The following CPNE2 variants were observed in gnomAD, a reference collection of about 807,000 sequenced individuals.
CPNE2 encodes copine-2.
In CPNE2, 42 loss-of-function variants were observed where a neutral mutation model predicts 69.7. The observed-to-expected ratio is 0.60, with a 90% CI of 0.47 to 0.78. The LOEUF is 0.78. Ranked by LOEUF, CPNE2 falls within the 30% of genes least tolerant of loss-of-function variation. CPNE2 has a pLI of 0.00. For missense variants in CPNE2, 587 were observed against 732.0 expected, an observed-to-expected ratio of 0.80 and a Z score of 2.29; for synonymous variants, 294 against 289.8, an observed-to-expected ratio of 1.01 and a Z score of -0.15.
At chr16:57,096,573 C>T (rs78349324) in intron 1 of CPNE2, among the ~76,000 whole-genome samples, 2,829 of 151,938 alleles carry the variant, frequency 0.019, 95 homozygotes, top group African/African-American at 0.066. Flanking sequence ...GTGGTGCATG[C>T]CTGTAGTCCC....
At chr16:57,097,408 G>A (rs1400664466) in intron 1 of CPNE2, among the ~76,000 whole-genome samples, 2 of 152,144 alleles carry the variant, frequency 1.3e-5, no homozygotes, top group African/African-American at 4.8e-5. Context: ...ATGGCTGCAT[G>A]GTGAGGGAAG....
intron 14 of CPNE2, among the ~76,000 whole-genome samples, chr16:57,140,474 A>G (rs1335911320): frequency 6.7e-6 from 1 of 150,222 alleles, no homozygotes; most frequent in African/African-American, 2.5e-5. Flanking sequence ...ACCCACACCC[A>G]TTTCCTCTTA....
In CPNE2 at chr16:57,130,365, A is replaced by C. The variant is rs1363323888; in HGVS notation, c.1116+2462A>C. 6.6e-6 allele frequency among the ~76,000 whole-genome samples: 1 copy of C among 151,924 alleles called. No individual in the cohort carries two copies. The highest frequency in any genetic ancestry group is 1.5e-5 in the Non-Finnish European group (1 of 67,982). The stretch of plus-strand genomic sequence containing the variant: ...ACAGAGTGAGACTCTGTCTCTAAAA[A>C]ATTAATTAATTAATTAATTAAAATA... On this transcript the variant is annotated intron_variant, in intron 12 of 15. Transcript: ENST00000290776. This position sits in a 1 kb window ranked among gnomAD's most constrained non-coding sequence, Gnocchi z 4.1.
chr16:57,105,374 A>G (rs2069641697), intron 1 of CPNE2, among the ~76,000 whole-genome samples: 1 of 151,944 alleles, frequency 6.6e-6, no homozygotes, highest in African/African-American at 2.4e-5. Flanking sequence ...CCTAAGGGCA[A>G]GATGCCTCCT....
At chr16:57,117,421 T>G in intron 4 of CPNE2, 75 bp from the exon 5 acceptor site, 1 of 1,477,606 alleles carries the variant, frequency 6.8e-7, no homozygotes, top group Non-Finnish European at 9.3e-7. Flanking sequence ...GGATTGCTCC[T>G]GGGGCACCCT....
Position 57,104,218 on chromosome 16 carries a change from G to A in CPNE2, c.-35-6490G>A, listed in dbSNP as rs182404671. ...CAGGTGTGAGCCACCACGCCCGGCCGGAAGGCACTCTTGTTCCCATTTTAC... is the reference window on the plus strand; with the variant it reads ...CAGGTGTGAGCCACCACGCCCGGCCAGAAGGCACTCTTGTTCCCATTTTAC... On this transcript the variant is annotated intron_variant, in intron 1 of 15. Transcript: ENST00000290776. Among the ~76,000 whole-genome samples the A allele has an allele frequency of 3.1e-4, 47 of 152,272 alleles. No homozygotes were observed. The East Asian group carries it at 7.7e-3, about 25-fold the overall frequency.
At position 57,101,419 on chromosome 16, in the gene CPNE2, G is replaced by A. The variant is rs139761213; in HGVS notation, c.-36+8629G>A. Among the ~76,000 whole-genome samples, 14 of 152,310 alleles carry A rather than the reference G, an allele frequency of 9.2e-5. 1 individual carries two copies. The East Asian group carries it at 2.7e-3, about 29-fold the overall frequency. On this transcript the variant is annotated intron_variant, in intron 1 of 15. Transcript: ENST00000290776. ...ACCCCCCAAAAGTTCAGTAAACTTA[G>A]CAGCCATCAGGGCCCGTAGGGAATG... is the stretch of plus-strand genomic sequence containing the variant.
Position 57,130,765 on chromosome 16 carries a change from G to A in CPNE2, c.1116+2862G>A, listed in dbSNP as rs750630018. Among the ~76,000 whole-genome samples, 8 of 151,996 alleles carry A rather than the reference G, an allele frequency of 5.3e-5. No homozygotes were observed. The highest frequency in any genetic ancestry group is 1.0e-4 in the Non-Finnish European group (7 of 68,016). Reference sequence around the variant, plus strand: ...TGGCAGAGACAAGATGGGGAGGGGAGAAGGGCATGGAGACATCAGCCAGTG... The same window carrying A: ...TGGCAGAGACAAGATGGGGAGGGGAAAAGGGCATGGAGACATCAGCCAGTG... On this transcript the variant is annotated intron_variant, in intron 12 of 15. Transcript: ENST00000290776. The surrounding 1 kb of genome is among the most constrained non-coding windows in gnomAD (Gnocchi z 4.1).
Position 57,148,176 on chromosome 16 carries a change from TAAGA to T in CPNE2, c.*522_*525del, listed in dbSNP as rs2069974078. On this transcript the variant is annotated 3_prime_UTR_variant, in exon 16 of 16. Coordinates refer to ENST00000290776, the MANE Select transcript of CPNE2 (RefSeq NM_152727.6). ...CAGGGACCTGACGGGCTCACTGATC[TAAGA>T]AAGGAAATGGAAAATGAAAATCCAC... 1 of 152,150 alleles carries T rather than the reference TAAGA, an allele frequency of 6.6e-6. No homozygotes were observed. The highest frequency in any genetic ancestry group is 1.5e-5 in the Non-Finnish European group (1 of 68,080). The allele number at this position is 152,150 out of a possible 1,614,324, so 9.4% of individuals were successfully genotyped here. A position where few individuals can be genotyped will look rare whatever the true frequency, so the allele number is the denominator to read the frequency against.
chr16:57,113,509 C>T (rs762079742), intron 3 of CPNE2, 42 bp downstream of exon 3: 14 of 1,582,420 alleles, frequency 8.8e-6, no homozygotes, highest in East Asian at 2.3e-5. Context: ...GCCCAAAGAC[C>T]GGGCAACCCC....
At chr16:57,121,054 G>A (rs2069757740) in intron 7 of CPNE2, 39 bp from the exon 8 acceptor site, 2 of 1,528,426 alleles carry the variant, frequency 1.3e-6, no homozygotes, top group Non-Finnish European at 1.8e-6. Context: ...GCACCTCTTG[G>A]GGGACAGCTC....
chr16:57,120,297 G>A (rs4783975), intron 7 of CPNE2, among the ~76,000 whole-genome samples: 4 of 149,744 alleles, frequency 2.7e-5, no homozygotes, highest in Non-Finnish European at 3.0e-5. Flanking sequence ...GTTATAGGCC[G>A]GGCGCGGTGG....
intron 12 of CPNE2, among the ~76,000 whole-genome samples, chr16:57,133,542 C>T (rs2069853807): frequency 6.6e-6 from 1 of 152,156 alleles, no homozygotes; most frequent in Non-Finnish European, 1.5e-5. Flanking sequence ...ACGCTGGATG[C>T]AGGAGAGCCT....
intron 10 of CPNE2, 180 bp from the exon 11 acceptor site, chr16:57,125,680 G>A (rs538456202): frequency 2.8e-6 from 2 of 704,264 alleles, no homozygotes; most frequent in East Asian, 5.5e-5. Context: ...GCCACAGATG[G>A]CATTAGAGCA....
intron 11 of CPNE2, among the ~76,000 whole-genome samples, chr16:57,126,398 C>T (rs1321949732): frequency 3.3e-5 from 5 of 152,310 alleles, no homozygotes; most frequent in Admixed American, 2.0e-4. Context: ...CTGGGCCTGG[C>T]GCCTAGTTCC....
At chr16:57,138,892 G>T (rs1381285657) in intron 14 of CPNE2, among the ~76,000 whole-genome samples, 1 of 152,220 alleles carries the variant, frequency 6.6e-6, no homozygotes, top group African/African-American at 2.4e-5. Context: ...GGGACCATTG[G>T]GACCAGCCAA....
chr16:57,113,742 G>T (rs1006259027), intron 3 of CPNE2, among the ~76,000 whole-genome samples: 2 of 152,212 alleles, frequency 1.3e-5, no homozygotes, highest in African/African-American at 2.4e-5. Context: ...GACCTCTGGG[G>T]GTAGGAGCAT....
chr16:57,107,184 C>A (rs917920040), intron 1 of CPNE2, among the ~76,000 whole-genome samples: 1 of 152,210 alleles, frequency 6.6e-6, no homozygotes, highest in Non-Finnish European at 1.5e-5. Flanking sequence ...AGCTGCCCAG[C>A]TGCACACAGT....
intron 14 of CPNE2, chr16:57,145,768 A>G: frequency 2.6e-6 from 1 of 385,434 alleles, no homozygotes; most frequent in Non-Finnish European, 4.8e-6. Flanking sequence ...GTCCCACAGT[A>G]TAGCAACTGG....
Sources: allele counts gnomAD v4.1 joint callset (sites outside exome capture counted in the v4.1 genomes callset), GRCh38; gene constraint gnomAD v4.1.1; non-coding constraint Gnocchi (gnomAD v3.1); transcripts MANE v1.5; gene names NCBI Gene and HGNC (gene_info 2026-07-23, HGNC 2026-07-21).